ENTREP2: variants seen among roughly 807,000 people sequenced by gnomAD.
ENTREP2 encodes the protein protein ENTREP2.
chr15:29,234,626 G>A, the ENTREP2 span: 9 of 1,557,132 alleles, frequency 5.8e-6, no homozygotes, highest in Non-Finnish European at 8.0e-6. Flanking sequence ...TTTGATGCGT[G>A]TATCAAACCA....
the ENTREP2 span, among the ~76,000 whole-genome samples, chr15:29,202,006 G>A: frequency 2.0e-5 from 3 of 152,060 alleles, no homozygotes; most frequent in African/African-American, 7.2e-5. Flanking sequence ...GTGTTAGTTC[G>A]TGTTTTCCAA....
chr15:29,536,979 T>A, the ENTREP2 span, among the ~76,000 whole-genome samples: 5,757 of 152,242 alleles, frequency 0.038, 182 homozygotes, highest in East Asian at 0.14. Context: ...CAGGTTGGAC[T>A]TCCAGCCTCC....
the ENTREP2 span, among the ~76,000 whole-genome samples, chr15:29,526,755 C>A: frequency 6.6e-6 from 1 of 152,072 alleles, no homozygotes; most frequent in Non-Finnish European, 1.5e-5. Flanking sequence ...CAGGTCTGAG[C>A]CACTGTGCCC....
chr15:29,155,978 C>T, the ENTREP2 span, among the ~76,000 whole-genome samples: 1 of 152,126 alleles, frequency 6.6e-6, no homozygotes, highest in Non-Finnish European at 1.5e-5. Context: ...CACTGCCCTC[C>T]CTGCTCCTAC....
chr15:29,474,335 C>T, the ENTREP2 span, among the ~76,000 whole-genome samples: 2 of 152,154 alleles, frequency 1.3e-5, no homozygotes, highest in African/African-American at 2.4e-5. Context: ...GGCGTCAGGG[C>T]ACCCCTCCTG....
the ENTREP2 span, among the ~76,000 whole-genome samples, chr15:29,156,978 T>G: frequency 6.6e-6 from 1 of 152,098 alleles, no homozygotes; most frequent in African/African-American, 2.4e-5. Context: ...ATGCCTGTAA[T>G]CCCAGCTACT....
At chr15:29,462,361 C>A in the ENTREP2 span, among the ~76,000 whole-genome samples, 5 of 152,130 alleles carry the variant, frequency 3.3e-5, no homozygotes, top group African/African-American at 9.7e-5. Context: ...GTAATCCCAG[C>A]ACTTTGGAAG....
At chr15:29,150,776 G>C in the ENTREP2 span, among the ~76,000 whole-genome samples, 2 of 152,124 alleles carry the variant, frequency 1.3e-5, no homozygotes, top group Admixed American at 1.3e-4. Flanking sequence ...CTGCCACAGG[G>C]TGAATGACAA....
the ENTREP2 span, among the ~76,000 whole-genome samples, chr15:29,215,173 C>T: frequency 6.6e-6 from 1 of 152,056 alleles, no homozygotes; most frequent in African/African-American, 2.4e-5. Context: ...TTGGACAAGG[C>T]CTTTTATCAT....
the ENTREP2 span, among the ~76,000 whole-genome samples, chr15:29,659,008 C>T: frequency 6.6e-6 from 1 of 152,240 alleles, no homozygotes; most frequent in Non-Finnish European, 1.5e-5. Flanking sequence ...ATGCATTCTG[C>T]CCAGTCCAGG....
the ENTREP2 span, among the ~76,000 whole-genome samples, chr15:29,293,023 G>A: frequency 6.6e-6 from 1 of 152,194 alleles, no homozygotes; most frequent in Admixed American, 6.5e-5. Context: ...ATCTATTTGA[G>A]TGGCCATGTG....
At chr15:29,152,716 T>C in the ENTREP2 span, among the ~76,000 whole-genome samples, 1 of 152,230 alleles carries the variant, frequency 6.6e-6, no homozygotes, top group Non-Finnish European at 1.5e-5. Context: ...TTTCCAGTTG[T>C]GGGCTATTAC....
At chr15:29,199,272 T>A in the ENTREP2 span, among the ~76,000 whole-genome samples, 1 of 152,156 alleles carries the variant, frequency 6.6e-6, no homozygotes, top group South Asian at 2.1e-4. Flanking sequence ...CTTTTTAATT[T>A]TAGATAAGAA....
the ENTREP2 span, among the ~76,000 whole-genome samples, chr15:29,369,245 G>A: frequency 6.6e-6 from 1 of 152,094 alleles, no homozygotes; most frequent in Non-Finnish European, 1.5e-5. Flanking sequence ...TGAAATCTGA[G>A]TAGAATAAAC....
At chr15:29,258,863 T>C in the ENTREP2 span, among the ~76,000 whole-genome samples, 1 of 152,220 alleles carries the variant, frequency 6.6e-6, no homozygotes, top group Non-Finnish European at 1.5e-5. Context: ...ACTGGCTGAT[T>C]TCACTTATAG....
At chr15:29,258,665 A>T in the ENTREP2 span, among the ~76,000 whole-genome samples, 1 of 152,194 alleles carries the variant, frequency 6.6e-6, no homozygotes, top group South Asian at 2.1e-4. Flanking sequence ...TGGAATGATC[A>T]TCACTATCCA....
the ENTREP2 span, among the ~76,000 whole-genome samples, chr15:29,632,004 GA>G: frequency 6.6e-6 from 1 of 152,170 alleles, no homozygotes; most frequent in Admixed American, 6.5e-5. Context: ...AGGTAAAGTG[GA>G]TATTATCAAA....
At chr15:29,392,126 C>A in the ENTREP2 span, among the ~76,000 whole-genome samples, 1 of 151,196 alleles carries the variant, frequency 6.6e-6, no homozygotes, top group East Asian at 2.0e-4. Context: ...CTGTGCCCGG[C>A]CTTTTTTTGT....
At chr15:29,655,838 A>G in the ENTREP2 span, among the ~76,000 whole-genome samples, 6 of 152,276 alleles carry the variant, frequency 3.9e-5, no homozygotes, top group South Asian at 1.2e-3. Flanking sequence ...CCACCTGGCC[A>G]ACATGGCAAA....
Sources: allele counts gnomAD v4.1 joint callset (sites outside exome capture counted in the v4.1 genomes callset), GRCh38; gene constraint gnomAD v4.1.1; transcripts MANE v1.5; gene names NCBI Gene and HGNC (gene_info 2026-07-23, HGNC 2026-07-21).